GEMIN8: variants seen among roughly 807,000 people sequenced by gnomAD.
GEMIN8 encodes the protein gem-associated protein 8.
For missense variants in GEMIN8, 185 were observed against 205.9 expected, an observed-to-expected ratio of 0.90 and a Z score of 0.62; for synonymous variants, 80 against 78.5, an observed-to-expected ratio of 1.02 and a Z score of -0.10.
At chrX:13,999,119 A>C in the GEMIN8 span, among the ~76,000 whole-genome samples, 1 of 111,612 alleles carries the variant, frequency 9.0e-6, no homozygotes, top group Non-Finnish European at 1.9e-5. Context: ...TTATTTTCAA[A>C]TAGAAAAGTT....
At position 14,007,728 on chromosome X, in the gene GEMIN8, C is replaced by T. The variant is rs1044571511; in HGVS notation, c.*1185G>A. On this transcript the variant is annotated 3_prime_UTR_variant, in exon 5 of 5. Coordinates refer to ENST00000680255, the MANE Select transcript of GEMIN8 (RefSeq NM_001042479.2). Reference sequence around the variant, plus strand: ...ATTTTTAGTAGAGATGGGGTTTCACCGTGTTAGCCAGGATGGTCTCGATCT... The same window carrying T: ...ATTTTTAGTAGAGATGGGGTTTCACTGTGTTAGCCAGGATGGTCTCGATCT... 1.8e-5 allele frequency among the ~76,000 whole-genome samples: 2 copies of T among 109,854 alleles called. No individual in the cohort carries two copies. The highest frequency in any genetic ancestry group is 3.8e-5 in the Non-Finnish European group (2 of 52,716).
At chrX:13,989,575 A>C in the GEMIN8 span, among the ~76,000 whole-genome samples, 665 of 112,188 alleles carry the variant, frequency 5.9e-3, 11 homozygotes, top group East Asian at 0.1. Context: ...CAATGAAGAA[A>C]CTCTTCCTGC....
At position 14,008,682 on chromosome X, in the gene GEMIN8, A is replaced by G; in HGVS notation, c.*231T>C. ...ATAAAAAACCAGTATAGTATATGCA[A>G]AATTATTTTATGTCAGGAGAAAATT... On this transcript the variant is annotated 3_prime_UTR_variant, in exon 5 of 5. Coordinates refer to ENST00000680255, the MANE Select transcript of GEMIN8 (RefSeq NM_001042479.2). The G allele has an allele frequency of 2.4e-6, 1 of 420,522 alleles. No homozygotes were observed. The highest frequency in any genetic ancestry group is 4.1e-6 in the Non-Finnish European group (1 of 242,181). The allele number at this position is 420,522 out of a possible 1,213,427, so 34.7% of individuals were successfully genotyped here.
chrX:14,018,206 G>A (rs768232330), intron 4 of GEMIN8, among the ~76,000 whole-genome samples: 4 of 112,380 alleles, frequency 3.6e-5, no homozygotes, highest in Non-Finnish European at 7.5e-5. Context: ...CCTACCTAGA[G>A]TTCTACCTAA....
At chrX:14,022,188 T>G (rs1924422582) in intron 2 of GEMIN8, among the ~76,000 whole-genome samples, 1 of 109,062 alleles carries the variant, frequency 9.2e-6, no homozygotes, top group South Asian at 3.9e-4. Flanking sequence ...TGGGTCTTCC[T>G]GAGGCTTGAG....
At chrX:13,995,351 C>T in the GEMIN8 span, among the ~76,000 whole-genome samples, 2 of 111,807 alleles carry the variant, frequency 1.8e-5, no homozygotes, top group African/African-American at 6.5e-5. Context: ...AATTGACTCC[C>T]AGTGTTGTGC....
the GEMIN8 span, among the ~76,000 whole-genome samples, chrX:13,997,165 C>A: frequency 9.1e-6 from 1 of 110,440 alleles, no homozygotes; most frequent in Non-Finnish European, 1.9e-5. Flanking sequence ...TGGTCTCAAT[C>A]TCCTGAACTC....
chrX:14,024,453 C>T (rs1924562947), intron 2 of GEMIN8, among the ~76,000 whole-genome samples: 1 of 110,604 alleles, frequency 9.0e-6, no homozygotes, highest in East Asian at 2.8e-4. Flanking sequence ...GAGCTGAGAT[C>T]GTGCCACTGC....
chrX:14,028,607 C>T (rs759005552), intron 1 of GEMIN8, among the ~76,000 whole-genome samples: 1 of 100,896 alleles, frequency 9.9e-6, no homozygotes, highest in East Asian at 2.8e-4. Flanking sequence ...ATTCTCATCT[C>T]ACCCTATCCT....
At chrX:13,994,588 G>C in the GEMIN8 span, among the ~76,000 whole-genome samples, 2 of 112,186 alleles carry the variant, frequency 1.8e-5, no homozygotes, top group Admixed American at 1.9e-4. Context: ...AAATATGTTT[G>C]TGGTGAAAGA....
chrX:14,015,290 C>T (rs1425814957), intron 4 of GEMIN8, among the ~76,000 whole-genome samples: 1 of 112,188 alleles, frequency 8.9e-6, no homozygotes, highest in African/African-American at 3.2e-5. Flanking sequence ...TTTTTCTTAA[C>T]CTAATAATAA....
the GEMIN8 span, among the ~76,000 whole-genome samples, chrX:13,994,817 A>T: frequency 2.7e-5 from 3 of 112,677 alleles, no homozygotes; most frequent in East Asian, 8.3e-4. Context: ...AGAAAATAAA[A>T]ATTAAGAAAT....
the GEMIN8 span, among the ~76,000 whole-genome samples, chrX:13,999,971 G>A: frequency 1.8e-5 from 2 of 111,393 alleles, no homozygotes; most frequent in African/African-American, 6.5e-5. Context: ...TCTGTACTTT[G>A]TTGTTTGGAA....
chrX:14,016,500 C>T (rs1016571519), intron 4 of GEMIN8, among the ~76,000 whole-genome samples: 1 of 110,830 alleles, frequency 9.0e-6, no homozygotes, highest in Admixed American at 9.7e-5. Flanking sequence ...AAAGGTGCCA[C>T]CCAGAGCAGA....
the GEMIN8 span, among the ~76,000 whole-genome samples, chrX:14,000,943 A>G: frequency 9.0e-6 from 1 of 111,221 alleles, no homozygotes; most frequent in Non-Finnish European, 1.9e-5. Context: ...TTTCTTCCCC[A>G]TCTATCCACT....
In GEMIN8 at chrX:14,016,866, A is replaced by T. The variant is rs865888571; in HGVS notation, c.472+3212T>A. Among the ~76,000 whole-genome samples, 483 of 57,033 alleles carry T rather than the reference A, an allele frequency of 8.5e-3. 15 individuals carry two copies. The highest frequency in any genetic ancestry group is 0.059 in the East Asian group (113 of 1,919). 49.5% of individuals were successfully genotyped at this position (57,033 alleles called of 115,157 possible). On this transcript the variant is annotated intron_variant, in intron 4 of 4. Coordinates refer to ENST00000680255, the MANE Select transcript of GEMIN8 (RefSeq NM_001042479.2). ...TCTCAAAAAAAAAAAAAAAAAAAAA[A>T]ATATATATATATATATATATATATA... is the stretch of plus-strand genomic sequence containing the variant.
chrX:14,010,344 A>G (rs1306498778), intron 4 of GEMIN8, among the ~76,000 whole-genome samples: 1 of 111,115 alleles, frequency 9.0e-6, no homozygotes, highest in Non-Finnish European at 1.9e-5. Context: ...AATTTAGCCA[A>G]TTTCCATAGC....
intron 4 of GEMIN8, among the ~76,000 whole-genome samples, chrX:14,011,511 GCT>G (rs1446589381): frequency 1.1e-5 from 1 of 91,131 alleles, no homozygotes; most frequent in African/African-American, 4.9e-5. Flanking sequence ...CAATCCTATG[GCT>G]CTCTTTTTTT....
the GEMIN8 span, among the ~76,000 whole-genome samples, chrX:13,996,994 T>G: frequency 1.0e-5 from 1 of 99,365 alleles, no homozygotes; most frequent in East Asian, 3.1e-4. Flanking sequence ...TGGAGTGTAG[T>G]GGCGATATCT....
Sources: gnomAD v4.1 joint callset for allele counts (sites outside exome capture counted in the v4.1 genomes callset) on GRCh38, gnomAD v4.1.1 for gene constraint, MANE v1.5 for transcripts, NCBI Gene and HGNC (gene_info 2026-07-23, HGNC 2026-07-21) for gene names.